Variants in LTBP1 observed in about 807,000 individuals in gnomAD.
LTBP1 encodes latent-transforming growth factor beta-binding protein 1.
LTBP1 carries 129 observed loss-of-function variants against 207.6 expected under a neutral mutation model. The ratio of observed to expected loss-of-function variants is 0.62; its 90% CI spans 0.54 to 0.72. LTBP1 has a LOEUF of 0.72. Among genes scored for constraint, LTBP1 ranks in the 30% least tolerant of loss-of-function variants. LTBP1 has a pLI of 0.00. For synonymous variants in LTBP1, 963 were observed against 833.7 expected, an observed-to-expected ratio of 1.16 and a Z score of -2.67; for missense variants, 2,281 against 2,217.2, an observed-to-expected ratio of 1.03 and a Z score of -0.58.
At chr2:33,274,260 G>GA (rs781333176) in intron 16 of LTBP1, among the ~76,000 whole-genome samples, 3,546 of 136,428 alleles carry the variant, frequency 0.026, 123 homozygotes, top group African/African-American at 0.08. Flanking sequence ...GCTCCTTTTG[G>GA]AAAAAAAAAA....
At position 33,294,253 on chromosome 2, in the gene LTBP1, G is replaced by A. The variant is rs193049130; in HGVS notation, c.3235+971G>A. ...GCTCTCTCCCCCAGGCTGGAGTGCT[G>A]TGGCATGATCTTGACTCACTGCAAC... On this transcript the variant is annotated intron_variant, in intron 20 of 33. Coordinates refer to ENST00000404816, the MANE Select transcript of LTBP1 (RefSeq NM_206943.4). Among the ~76,000 whole-genome samples, 319 of 152,068 alleles carry A rather than the reference G, an allele frequency of 2.1e-3. 5 individuals are homozygous for A. The highest frequency in any genetic ancestry group is 4.9e-4 in the Non-Finnish European group (33 of 67,986).
intron 5 of LTBP1, among the ~76,000 whole-genome samples, chr2:33,150,174 C>T (rs2083395617): frequency 6.6e-6 from 1 of 152,160 alleles, no homozygotes; most frequent in Admixed American, 6.5e-5. Flanking sequence ...ATTGCCCTCA[C>T]CTGCATATAA....
intron 23 of LTBP1, among the ~76,000 whole-genome samples, chr2:33,311,500 A>G (rs947359722): frequency 6.6e-6 from 1 of 150,862 alleles, no homozygotes; most frequent in Non-Finnish European, 1.5e-5. Flanking sequence ...TTTTAACAAA[A>G]TGAATCTTGA....
At chr2:33,167,942 A>G (rs549738632) in intron 5 of LTBP1, among the ~76,000 whole-genome samples, 7 of 152,342 alleles carry the variant, frequency 4.6e-5, no homozygotes, top group African/African-American at 1.7e-4. Context: ...TTTTCAGTTC[A>G]AATGAGTCTG....
intron 9 of LTBP1, among the ~76,000 whole-genome samples, chr2:33,234,414 C>T (rs2091939361): frequency 6.6e-6 from 1 of 152,070 alleles, no homozygotes; most frequent in Non-Finnish European, 1.5e-5. Flanking sequence ...CACGAGCATT[C>T]CTATACACCA....
At chr2:33,393,099 A>G (rs79087405) in intron 32 of LTBP1, among the ~76,000 whole-genome samples, 5,808 of 152,000 alleles carry the variant, frequency 0.038, 148 homozygotes, top group Non-Finnish European at 0.054. Flanking sequence ...GGTTTGTTAC[A>G]TAGGCAACAT....
intron 31 of LTBP1, among the ~76,000 whole-genome samples, chr2:33,370,722 A>G (rs2095057838): frequency 6.6e-6 from 1 of 152,196 alleles, no homozygotes; most frequent in African/African-American, 2.4e-5. Flanking sequence ...CTATCTCTTC[A>G]TCTAAGCACT....
intron 3 of LTBP1, among the ~76,000 whole-genome samples, chr2:33,040,067 A>C (rs1239461249): frequency 6.6e-6 from 1 of 152,188 alleles, no homozygotes; most frequent in African/African-American, 2.4e-5. Context: ...TAGGTAGAGT[A>C]GGGCATGGAG....
At chr2:33,229,811 T>C (rs1324486381) in intron 9 of LTBP1, among the ~76,000 whole-genome samples, 1 of 152,218 alleles carries the variant, frequency 6.6e-6, no homozygotes, top group Admixed American at 6.5e-5. Context: ...AATCCTGGCT[T>C]AGGTCTCTGG....
chr2:33,279,468 T>C lies in LTBP1; in HGVS notation c.2993-571T>C, dbSNP rs536614664. Among the ~76,000 whole-genome samples the C allele has an allele frequency of 3.9e-5, 6 of 152,160 alleles. 1 individual carries two copies. The South Asian group carries it at 1.2e-3, about 32-fold the overall frequency. ...CATATGGTCATATCACCGTGTTTTCTGGAAAGGCTTGGAAGTATGTGATGA... is the reference window on the plus strand; with the variant it reads ...CATATGGTCATATCACCGTGTTTTCCGGAAAGGCTTGGAAGTATGTGATGA... On this transcript the variant is annotated intron_variant, in intron 18 of 33. Transcript: ENST00000404816.
chr2:33,311,034 T>C (rs2094178877), intron 23 of LTBP1, among the ~76,000 whole-genome samples: 1 of 152,112 alleles, frequency 6.6e-6, no homozygotes, highest in African/African-American at 2.4e-5. Flanking sequence ...TGTATGATTT[T>C]TTTAAAATTC....
chr2:33,158,715 T>A lies in LTBP1; in HGVS notation c.1201+23755T>A, dbSNP rs991844415. Among the ~76,000 whole-genome samples, 17 of 152,226 alleles carry A rather than the reference T, an allele frequency of 1.1e-4. 1 individual carries two copies. Among genetic ancestry groups the A allele is most frequent in the African/African-American group, 4.1e-4 (17 of 41,454 alleles). ...ATTCATATGTATTACCCAGAACACTTTGACTTCCTGGAATTTAAAATATAA... is the reference window on the plus strand; with the variant it reads ...ATTCATATGTATTACCCAGAACACTATGACTTCCTGGAATTTAAAATATAA... On this transcript the variant is annotated intron_variant, in intron 5 of 33. Coordinates refer to ENST00000404816, the MANE Select transcript of LTBP1 (RefSeq NM_206943.4).
chr2:33,022,817 G>T (rs1475776439), intron 3 of LTBP1, among the ~76,000 whole-genome samples: 2 of 152,146 alleles, frequency 1.3e-5, no homozygotes, highest in African/African-American at 4.8e-5. Flanking sequence ...TAATGAGTGT[G>T]ACTGTGTTCT....
At position 32,947,014 on chromosome 2, in the gene LTBP1, C is replaced by A. The variant is rs945410515; in HGVS notation, c.-311C>A. On this transcript the variant is annotated 5_prime_UTR_variant, in exon 1 of 34. Transcript: ENST00000404816. ...CCTCGCCGGGCCCCGCTGCGGCGCG[C>A]GCTGCAACCCCCGGCCGGACGCGCG... is the stretch of plus-strand genomic sequence containing the variant. The A allele has an allele frequency of 6.8e-5, 15 of 220,722 alleles. No individual in the cohort carries two copies. Among genetic ancestry groups the A allele is most frequent in the African/African-American group, 3.2e-4 (14 of 43,596 alleles). The allele number at this position is 220,722 out of a possible 1,614,324, so 13.7% of individuals were successfully genotyped here.
At chr2:33,060,651 C>CTG (rs10693285) in intron 3 of LTBP1, among the ~76,000 whole-genome samples, 16,672 of 146,312 alleles carry the variant, frequency 0.11, 1,082 homozygotes, top group African/African-American at 0.18. Context: ...AAATTCAGAT[C>CTG]TGTGTGTGTG....
intron 5 of LTBP1, among the ~76,000 whole-genome samples, chr2:33,140,669 A>AT (rs200209189): frequency 0.1 from 14,575 of 141,650 alleles, 966 homozygotes; most frequent in African/African-American, 0.17. Flanking sequence ...TAATTAATTA[A>AT]TTTTTTTTTT....
At chr2:33,253,881 C>CTTTTTT (rs61042956) in intron 11 of LTBP1, among the ~76,000 whole-genome samples, 1 of 101,700 alleles carries the variant, frequency 9.8e-6, no homozygotes, top group Non-Finnish European at 1.9e-5. Context: ...ATCTGATGCA[C>CTTTTTT]TTTTTTTTTT....
intron 2 of LTBP1, among the ~76,000 whole-genome samples, chr2:33,017,555 C>T (rs1356683627): frequency 6.6e-6 from 1 of 152,100 alleles, no homozygotes; most frequent in African/African-American, 2.4e-5. Context: ...ACTGCATGGG[C>T]CCAAATATTG....
At chr2:33,363,295 A>G in intron 28 of LTBP1, 95 bp from the exon 29 acceptor site, 1 of 1,203,616 alleles carries the variant, frequency 8.3e-7, no homozygotes, top group Non-Finnish European at 1.2e-6. Flanking sequence ...AAATATTATA[A>G]TATCTAACTT....
Sources: allele counts gnomAD v4.1 joint callset (sites outside exome capture counted in the v4.1 genomes callset), GRCh38; gene constraint gnomAD v4.1.1; transcripts MANE v1.5; gene names NCBI Gene and HGNC (gene_info 2026-07-23, HGNC 2026-07-21).